Variants in ZNF273 observed in about 807,000 individuals in gnomAD.
ZNF273 encodes the protein zinc finger protein 273.
A neutral mutation model predicts 14.9 loss-of-function variants in ZNF273; 11 were observed. That is an observed-to-expected ratio of 0.74 (90% CI 0.46 to 1.22). The LOEUF (loss-of-function observed/expected upper bound fraction) is 1.22. ZNF273 is among the 50% of genes most tolerant of loss of function. The probability of loss-of-function intolerance (pLI) is 0.00; values close to 1 mark genes in which losing one functional copy is unlikely to be tolerated. For synonymous variants in ZNF273, 199 were observed against 223.9 expected (o/e 0.89, Z 0.99); for missense variants, 577 against 660.6 (o/e 0.87, Z 1.39).
chr7:64,889,778 C>G, downstream of ZNF273: 1 of 985,042 alleles, frequency 1.0e-6, no homozygotes, highest in Non-Finnish European at 1.2e-6. This position sits in a 1 kb window ranked among gnomAD's most constrained non-coding sequence, Gnocchi z 4.2. Flanking sequence ...GTCCCGAGCC[C>G]AAGCCCCTGC....
upstream of ZNF273, among the ~76,000 whole-genome samples, chr7:64,902,845 A>G (rs1008949365): frequency 1.3e-5 from 2 of 152,214 alleles, no homozygotes; most frequent in African/African-American, 4.8e-5. Flanking sequence ...AGGCAATCAG[A>G]TATGCAATCA....
downstream of ZNF273, among the ~76,000 whole-genome samples, chr7:64,884,707 G>A (rs1463371413): frequency 6.6e-6 from 1 of 152,160 alleles, no homozygotes; most frequent in Non-Finnish European, 1.5e-5. Context: ...TCACCAGACT[G>A]TATTCCCTTC....
chr7:64,905,109 CTTTTTTT>C (rs61024093), intron 1 of ZNF273, among the ~76,000 whole-genome samples: 4 of 75,376 alleles, frequency 5.3e-5, no homozygotes, highest in Admixed American at 3.3e-4. Flanking sequence ...TCCTGGTGCA[CTTTTTTT>C]TTTTTTTTTT....
At chr7:64,902,950 T>C (rs943049507), upstream of ZNF273, among the ~76,000 whole-genome samples, 1 of 152,214 alleles carries the variant, frequency 6.6e-6, no homozygotes, top group Non-Finnish European at 1.5e-5. Flanking sequence ...TTAGTGATTT[T>C]GGGGCCGCAA....
At chr7:64,898,883 T>A (rs1792518559), upstream of ZNF273, among the ~76,000 whole-genome samples, 2 of 152,270 alleles carry the variant, frequency 1.3e-5, no homozygotes, top group African/African-American at 4.8e-5. Flanking sequence ...CCGGTCATAC[T>A]GTTTTTGGCA....
intron 1 of ZNF273, among the ~76,000 whole-genome samples, chr7:64,908,342 C>T (rs1793259407): frequency 1.3e-5 from 2 of 152,320 alleles, no homozygotes; most frequent in South Asian, 4.1e-4. Context: ...ATTATTTTGT[C>T]ACTGAGGTAG....
intron 1 of ZNF273, among the ~76,000 whole-genome samples, chr7:64,906,888 C>T (rs1459063181): frequency 6.6e-6 from 1 of 151,926 alleles, no homozygotes; most frequent in Non-Finnish European, 1.5e-5. Flanking sequence ...AAAGTACCAA[C>T]TATAAGATCT....
At position 64,928,026 on chromosome 7, in the gene ZNF273, T is replaced by C. The variant is rs745621183; in HGVS notation, c.698T>C (p.Phe233Ser). Residue 233 changes from phenylalanine to serine, a missense_variant, in exon 4 of 4, where the codon TTC becomes TCC. This residue lies in a region of ZNF273 where 411 missense variants were observed against 440.4 expected (regional missense o/e 0.93). Transcript: ENST00000476120. Reference protein sequence around the residue: ...QHKKTATRVNFYKCKTCGKAF... With the variant: ...QHKKTATRVNSYKCKTCGKAF... The stretch of plus-strand genomic sequence containing the variant: ...AAGAAAACTGCTACTAGAGTGAATT[T>C]CTACAAATGTAAGACATGTGGAAAA... 1 of 1,608,160 alleles carries C rather than the reference T, an allele frequency of 6.2e-7. No individual in the cohort carries two copies. Among genetic ancestry groups the C allele is most frequent in the South Asian group, 1.1e-5 (1 of 90,818 alleles).
intron 1 of ZNF273, among the ~76,000 whole-genome samples, chr7:64,915,385 C>T (rs1024708800): frequency 6.6e-6 from 1 of 152,086 alleles, no homozygotes; most frequent in African/African-American, 2.4e-5. Context: ...GAGCTTAGAG[C>T]CTCAAACAGA....
intron 1 of ZNF273, among the ~76,000 whole-genome samples, chr7:64,885,523 T>A (rs1442885041): frequency 6.6e-6 from 1 of 152,234 alleles, no homozygotes; most frequent in Non-Finnish European, 1.5e-5. Context: ...CCTTTAGGAA[T>A]TGCAGAGTCT....
At chr7:64,937,135 T>G in the ZNF273 span, among the ~76,000 whole-genome samples, 7 of 152,236 alleles carry the variant, frequency 4.6e-5, no homozygotes, top group African/African-American at 1.7e-4. Context: ...CATTTTACTA[T>G]GATTCATATG....
intron 1 of ZNF273, among the ~76,000 whole-genome samples, chr7:64,887,920 C>T (rs541085113): frequency 2.0e-5 from 3 of 152,052 alleles, no homozygotes; most frequent in Non-Finnish European, 2.9e-5. Context: ...CACCCTTGTG[C>T]GAATCCAGAA....
At chr7:64,893,062 G>C (rs150474678), downstream of ZNF273, among the ~76,000 whole-genome samples, 1,748 of 152,000 alleles carry the variant, frequency 0.011, 31 homozygotes, top group African/African-American at 0.04. Context: ...CTTCCAGCTT[G>C]CTTATCTATG....
downstream of ZNF273, among the ~76,000 whole-genome samples, chr7:64,935,545 CAG>C (rs1334094035): frequency 6.6e-6 from 1 of 152,040 alleles, no homozygotes; most frequent in Non-Finnish European, 1.5e-5. Context: ...TTTATTGAAA[CAG>C]AGTCTCACTC....
At chr7:64,899,454 A>T (rs1265803435), upstream of ZNF273, among the ~76,000 whole-genome samples, 1 of 152,192 alleles carries the variant, frequency 6.6e-6, no homozygotes, top group Non-Finnish European at 1.5e-5. Context: ...CAGGAGTCCC[A>T]GACCGGCCTT....
chr7:64,902,623 A>T (rs1792798758), upstream of ZNF273, among the ~76,000 whole-genome samples: 1 of 151,988 alleles, frequency 6.6e-6, no homozygotes, highest in African/African-American at 2.4e-5. Context: ...AATCGCTTGA[A>T]CCCCGGAGGG....
chr7:64,927,909 A>G lies in ZNF273; in HGVS notation c.581A>G (p.Asn194Ser), dbSNP rs774260760. The G allele has an allele frequency of 2.5e-6, 4 of 1,613,512 alleles. No homozygotes were observed. In the East Asian group the frequency reaches 6.7e-5, roughly 27 times the overall value. ...VKVLHKFSNS[N>S]IHKKRQTGKK... is the part of the protein sequence containing the mutation. ...GTCCTTCATAAATTCTCAAATTCAA[A>G]TATACATAAGAAAAGACAAACTGGA... Residue 194 changes from asparagine to serine, a missense_variant, in exon 4 of 4, where the codon AAT (asparagine) becomes AGT (serine). Around this residue, in one of 3 missense-constraint regions of ZNF273, gnomAD observed 411 missense variants for 440.4 expected, o/e 0.93. Transcript: ENST00000476120.
At chr7:64,884,555 A>G (rs1241393053), downstream of ZNF273, among the ~76,000 whole-genome samples, 1 of 151,996 alleles carries the variant, frequency 6.6e-6, no homozygotes, top group Non-Finnish European at 1.5e-5. Context: ...TGCCTTACCC[A>G]GACAGCCGCG....
intron 1 of ZNF273, among the ~76,000 whole-genome samples, chr7:64,912,032 C>T (rs770709212): frequency 1.3e-5 from 2 of 152,196 alleles, no homozygotes; most frequent in Non-Finnish European, 2.9e-5. Flanking sequence ...TTGTATGGCT[C>T]ACCGTAAACT....
Sources: gnomAD v4.1 joint callset for allele counts (sites outside exome capture counted in the v4.1 genomes callset) on GRCh38, gnomAD v4.1.1 for gene constraint, gnomAD v4.1.1 regional missense constraint, Gnocchi (gnomAD v3.1) non-coding constraint, MANE v1.5 for transcripts, NCBI Gene and HGNC (gene_info 2026-07-23, HGNC 2026-07-21) for gene names.